The following NHEJ1 variants were observed in gnomAD, a reference collection of about 807,000 sequenced individuals.
The protein encoded by NHEJ1 is non-homologous end-joining factor 1.
In NHEJ1, 22 loss-of-function variants were observed where a neutral mutation model predicts 39.4. That is an observed-to-expected ratio of 0.56 (90% CI 0.40 to 0.80). The LOEUF (loss-of-function observed/expected upper bound fraction) is 0.80. NHEJ1 is among the 30% of genes least tolerant of loss of function. NHEJ1 has a pLI of 0.00. For missense variants in NHEJ1, 329 were observed against 357.1 expected, an observed-to-expected ratio of 0.92 and a Z score of 0.63; for synonymous variants, 154 against 135.6, an observed-to-expected ratio of 1.14 and a Z score of -0.94.
At chr2:219,134,457 G>T (rs914433386) in intron 5 of NHEJ1, among the ~76,000 whole-genome samples, 11 of 152,096 alleles carry the variant, frequency 7.2e-5, no homozygotes, top group African/African-American at 2.7e-4. Flanking sequence ...CCCTTTCTTG[G>T]CTAATCTACT....
intron 5 of NHEJ1, among the ~76,000 whole-genome samples, chr2:219,095,545 C>A (rs527495668): frequency 6.6e-6 from 1 of 152,294 alleles, no homozygotes; most frequent in Non-Finnish European, 1.5e-5. Flanking sequence ...TTAGCCTCTG[C>A]CAACTTCTTG....
At chr2:219,117,759 C>T (rs753175703) in intron 5 of NHEJ1, among the ~76,000 whole-genome samples, 2 of 152,158 alleles carry the variant, frequency 1.3e-5, no homozygotes, top group Non-Finnish European at 1.5e-5. Flanking sequence ...ATTAGCTGTG[C>T]GACTTTGGAC....
chr2:219,095,758 A>G (rs1269292387), intron 5 of NHEJ1, among the ~76,000 whole-genome samples: 2 of 152,186 alleles, frequency 1.3e-5, no homozygotes, highest in South Asian at 2.1e-4. Context: ...TACACAGGAA[A>G]TTCAAAACAT....
chr2:219,137,584 A>C (rs868463392), intron 5 of NHEJ1, among the ~76,000 whole-genome samples: 1,780 of 140,166 alleles, frequency 0.013, 65 homozygotes, highest in African/African-American at 0.041. Context: ...AAAAAAAAAA[A>C]AAAAAAAACA....
intron 3 of NHEJ1, among the ~76,000 whole-genome samples, chr2:219,149,844 T>C (rs756973644): frequency 6.6e-6 from 1 of 152,218 alleles, no homozygotes; most frequent in African/African-American, 2.4e-5. Flanking sequence ...TCTCCTGTTG[T>C]AGCACAAAAG....
rs1313759929 is a variant in NHEJ1 at position 219,071,174 on chromosome 2, C to T, written c.*5207G>A. On this transcript the variant is annotated 3_prime_UTR_variant, in exon 8 of 8. Transcript: ENST00000356853. ...TCCCTACCAGCTCCAACCCCTTTCACCATCCCCTGCTCAGCCTTCAAGGCC... is the reference window on the plus strand; with the variant it reads ...TCCCTACCAGCTCCAACCCCTTTCATCATCCCCTGCTCAGCCTTCAAGGCC... Among the ~76,000 whole-genome samples, 8 of 152,198 alleles carry T rather than the reference C, an allele frequency of 5.3e-5. No individual in the cohort carries two copies. Among genetic ancestry groups the T allele is most frequent in the East Asian group, 3.9e-4 (2 of 5,192 alleles).
intron 5 of NHEJ1, among the ~76,000 whole-genome samples, chr2:219,114,629 A>G (rs1204481232): frequency 2.0e-5 from 3 of 152,124 alleles, no homozygotes; most frequent in Non-Finnish European, 2.9e-5. Flanking sequence ...CGAGAAGGGG[A>G]CTCTTACACA....
chr2:219,145,492 C>T (rs73991395), intron 5 of NHEJ1, among the ~76,000 whole-genome samples: 3,284 of 152,164 alleles, frequency 0.022, 120 homozygotes, highest in African/African-American at 0.075. Context: ...AAAAGAGGTA[C>T]GGGACACAGA....
rs188538011 is a variant in NHEJ1 at position 219,124,385 on chromosome 2, G to A, written c.588+22295C>T. Among the ~76,000 whole-genome samples, 12 of 152,102 alleles carry A rather than the reference G, an allele frequency of 7.9e-5. No individual in the cohort carries two copies. The East Asian group carries it at 9.7e-4, about 12-fold the overall frequency. ...TTCTCACCATCCAGCATATCTGACCGTTTTGAAATTTGCCCAAACAGGGTT... is the reference window on the plus strand; with the variant it reads ...TTCTCACCATCCAGCATATCTGACCATTTTGAAATTTGCCCAAACAGGGTT... On this transcript the variant is annotated intron_variant, in intron 5 of 7. Coordinates refer to ENST00000356853, the MANE Select transcript of NHEJ1 (RefSeq NM_024782.3).
chr2:219,154,076 TAC>T (rs1339346115), intron 3 of NHEJ1, among the ~76,000 whole-genome samples: 1 of 152,208 alleles, frequency 6.6e-6, no homozygotes, highest in Admixed American at 6.5e-5. Flanking sequence ...AAATATATGA[TAC>T]ATTCATTAAA....
At chr2:219,127,850 T>C (rs1222141277) in intron 5 of NHEJ1, among the ~76,000 whole-genome samples, 1 of 152,234 alleles carries the variant, frequency 6.6e-6, no homozygotes, top group African/African-American at 2.4e-5. Context: ...TGGTCATTAA[T>C]TTTATCTCTT....
At chr2:219,151,332 T>A (rs1424320280) in intron 3 of NHEJ1, among the ~76,000 whole-genome samples, 2 of 152,174 alleles carry the variant, frequency 1.3e-5, no homozygotes, top group African/African-American at 4.8e-5. Context: ...TCCCTCTGGA[T>A]GGCTACCTCA....
intron 5 of NHEJ1, among the ~76,000 whole-genome samples, chr2:219,118,396 T>TG (rs55726342): frequency 0.73 from 110,121 of 151,746 alleles, 40,398 homozygotes; most frequent in Non-Finnish European, 0.77. Flanking sequence ...CTCCAGTCTC[T>TG]GGGGTCCAAA....
intron 1 of NHEJ1, among the ~76,000 whole-genome samples, chr2:219,159,575 GCA>G (rs1559206351): frequency 2.1e-4 from 2 of 9,376 alleles, no homozygotes; most frequent in Non-Finnish European, 1.6e-3. Context: ...ATATATATAT[GCA>G]TATATATATG....
At chr2:219,077,783 C>G (rs1949027981) in intron 6 of NHEJ1, among the ~76,000 whole-genome samples, 1 of 151,968 alleles carries the variant, frequency 6.6e-6, no homozygotes, top group Non-Finnish European at 1.5e-5. Flanking sequence ...GCCAGGGAAA[C>G]TAATCTTTCT....
chr2:219,079,422 G>A (rs1219819954), intron 5 of NHEJ1, among the ~76,000 whole-genome samples: 1 of 152,214 alleles, frequency 6.6e-6, no homozygotes. Flanking sequence ...CCTCTCATGG[G>A]AGAAGAATAG....
intron 5 of NHEJ1, among the ~76,000 whole-genome samples, chr2:219,096,977 G>A (rs1949214506): frequency 1.3e-5 from 2 of 152,192 alleles, no homozygotes; most frequent in Admixed American, 1.3e-4. Flanking sequence ...AGGTTCAGAA[G>A]AGATTATAGA....
chr2:219,113,617 G>GA (rs1949385165), intron 5 of NHEJ1, among the ~76,000 whole-genome samples: 1 of 152,044 alleles, frequency 6.6e-6, no homozygotes, highest in South Asian at 2.1e-4. Context: ...CTTTTGTCCT[G>GA]ACATAGAAAA....
intron 5 of NHEJ1, among the ~76,000 whole-genome samples, chr2:219,117,070 C>T (rs745423438): frequency 1.1e-4 from 17 of 152,078 alleles, no homozygotes; most frequent in Non-Finnish European, 2.1e-4. Flanking sequence ...TTCCTAACCT[C>T]GGCTTCACCA....
Sources: allele counts gnomAD v4.1 joint callset (sites outside exome capture counted in the v4.1 genomes callset), GRCh38; gene constraint gnomAD v4.1.1; transcripts MANE v1.5; gene names NCBI Gene and HGNC (gene_info 2026-07-23, HGNC 2026-07-21).